NEMP2: variants seen among roughly 807,000 people sequenced by gnomAD.
NEMP2 encodes nuclear envelope integral membrane protein 2.
NEMP2 carries 53 observed loss-of-function variants against 54.2 expected under a neutral mutation model. That is an observed-to-expected ratio of 0.98 (90% CI 0.78 to 1.23). NEMP2 has a LOEUF of 1.23. Among genes scored for constraint, NEMP2 ranks in the 50% most tolerant of loss-of-function variants. NEMP2 has a pLI of 0.00. For missense variants in NEMP2, 455 were observed against 511.3 expected (o/e 0.89, Z 1.06); for synonymous variants, 197 against 190.3 (o/e 1.04, Z -0.29).
At chr2:190,426,454 CCTAT>C in the NEMP2 span, among the ~76,000 whole-genome samples, 2 of 151,988 alleles carry the variant, frequency 1.3e-5, no homozygotes, top group African/African-American at 2.4e-5. This position sits in a 1 kb window ranked among gnomAD's most constrained non-coding sequence, Gnocchi z 4.7. Context: ...TTTATAATTG[CCTAT>C]CTAAGCATTT....
At chr2:190,455,497 G>T in the NEMP2 span, among the ~76,000 whole-genome samples, 1 of 152,290 alleles carries the variant, frequency 6.6e-6, no homozygotes, top group East Asian at 1.9e-4. Context: ...ACCTGGTTGA[G>T]TCTTGCTTCT....
At chr2:190,433,250 G>T in the NEMP2 span, 1 of 151,292 alleles carries the variant, frequency 6.6e-6, no homozygotes, top group Non-Finnish European at 1.5e-5. The surrounding 1 kb of genome is among the most constrained non-coding windows in gnomAD (Gnocchi z 4.5). Context: ...CACAAGAAAT[G>T]TTTCTTTGAA....
chr2:190,491,111 T>A, the NEMP2 span, among the ~76,000 whole-genome samples: 1 of 152,168 alleles, frequency 6.6e-6, no homozygotes, highest in Non-Finnish European at 1.5e-5. The surrounding 1 kb of genome is among the most constrained non-coding windows in gnomAD (Gnocchi z 4.2). Context: ...CACAAAAAAA[T>A]TTAAAATCAT....
chr2:190,552,905 C>T, the NEMP2 span, among the ~76,000 whole-genome samples: 1 of 151,838 alleles, frequency 6.6e-6, no homozygotes, highest in African/African-American at 2.4e-5. Flanking sequence ...CAGTCTACTG[C>T]TGGTATGGTT....
Position 190,513,801 on chromosome 2 carries a change from GTCT to G in NEMP2, c.953+649_953+651del, listed in dbSNP as rs1690456523. Among the ~76,000 whole-genome samples, 1 of 152,182 alleles carries G rather than the reference GTCT, an allele frequency of 6.6e-6. No homozygotes were observed. The highest frequency in any genetic ancestry group is 6.5e-5 in the Admixed American group (1 of 15,278). ...CTATATACCCTTAGTTCCTGGGCAA[GTCT>G]CCATTTTAATACTTAAAAGAGATAG... is the stretch of plus-strand genomic sequence containing the variant. On this transcript the variant is annotated intron_variant, in intron 7 of 8. Coordinates refer to ENST00000409150, the MANE Select transcript of NEMP2 (RefSeq NM_001142645.2). The surrounding 1 kb of genome is among the most constrained non-coding windows in gnomAD (Gnocchi z 5.3).
At chr2:190,495,600 C>T in the NEMP2 span, among the ~76,000 whole-genome samples, 1 of 152,118 alleles carries the variant, frequency 6.6e-6, no homozygotes, top group Non-Finnish European at 1.5e-5. The surrounding 1 kb of genome is among the most constrained non-coding windows in gnomAD (Gnocchi z 4.7). Flanking sequence ...TCAAACTATA[C>T]TATAAGGCCA....
the NEMP2 span, chr2:190,436,766 C>A: frequency 6.2e-7 from 1 of 1,614,196 alleles, no homozygotes; most frequent in Non-Finnish European, 8.5e-7. This position sits in a 1 kb window ranked among gnomAD's most constrained non-coding sequence, Gnocchi z 5.3. Flanking sequence ...AACTCAAGCA[C>A]AGCAACCCCT....
the NEMP2 span, among the ~76,000 whole-genome samples, chr2:190,630,865 G>A: frequency 5.3e-5 from 8 of 151,578 alleles, no homozygotes; most frequent in Non-Finnish European, 1.2e-4. This position sits in a 1 kb window ranked among gnomAD's most constrained non-coding sequence, Gnocchi z 5.5. Flanking sequence ...AGTGTTGTTC[G>A]AGAAATCATA....
chr2:190,444,146 G>A, the NEMP2 span, among the ~76,000 whole-genome samples: 1 of 152,210 alleles, frequency 6.6e-6, no homozygotes, highest in African/African-American at 2.4e-5. Flanking sequence ...TGTAGGATAT[G>A]TGTAAAAAAA....
At chr2:190,632,440 A>G in the NEMP2 span, among the ~76,000 whole-genome samples, 63 of 152,410 alleles carry the variant, frequency 4.1e-4, 1 homozygote, top group South Asian at 0.011. This position sits in a 1 kb window ranked among gnomAD's most constrained non-coding sequence, Gnocchi z 4.8. Flanking sequence ...TGCTTCCTCC[A>G]AGAATGCCTA....
the NEMP2 span, among the ~76,000 whole-genome samples, chr2:190,446,252 AAAGAGTTTGAGATT>A: frequency 6.6e-6 from 1 of 152,176 alleles, no homozygotes; most frequent in Non-Finnish European, 1.5e-5. Context: ...ACAAACTCTG[AAAGAGTTTGAGATT>A]ATAAGAGTAT....
the NEMP2 span, among the ~76,000 whole-genome samples, chr2:190,432,236 T>A: frequency 7.9e-5 from 12 of 152,194 alleles, no homozygotes; most frequent in East Asian, 2.3e-3. Flanking sequence ...GCTTTAACTT[T>A]CCTGCCTAGA....
At chr2:190,641,464 T>C in the NEMP2 span, 2 of 152,430 alleles carry the variant, frequency 1.3e-5, no homozygotes, top group African/African-American at 4.8e-5. Flanking sequence ...AGTGTAGACC[T>C]AGAGGAAGAG....
In NEMP2 at chr2:190,510,373, T is replaced by C. The variant is rs1486333341; in HGVS notation, c.1118A>G (p.His373Arg). The C allele has an allele frequency of 1.3e-6, 2 of 1,551,646 alleles. No individual in the cohort carries two copies. Among genetic ancestry groups the C allele is most frequent in the Non-Finnish European group, 1.7e-6 (2 of 1,146,988 alleles). ...GAGCGGGACTTACTTGCTAGGAGTG[T>C]GGAGTCTGGAGACGACCAGCCATGA... ...FPSWLVVSRL[H>R]TPSKFADFVL... The change falls in exon 8 of 9, where the codon CAC becomes CGC. Residue 373 changes from histidine to arginine, a missense_variant. Physicochemically the swap from His to Arg is conservative, Grantham distance 29. Transcript: ENST00000409150. This position sits in a 1 kb window ranked among gnomAD's most constrained non-coding sequence, Gnocchi z 5.7.
the NEMP2 span, chr2:190,469,976 T>C: frequency 1.5e-6 from 1 of 653,354 alleles, no homozygotes; most frequent in Non-Finnish European, 2.6e-6. The surrounding 1 kb of genome is among the most constrained non-coding windows in gnomAD (Gnocchi z 5.3). Flanking sequence ...TCATGTGATT[T>C]TGAAGTGGTT....
chr2:190,471,848 GC>G, the NEMP2 span, among the ~76,000 whole-genome samples: 1 of 152,160 alleles, frequency 6.6e-6, no homozygotes, highest in Non-Finnish European at 1.5e-5. The surrounding 1 kb of genome is among the most constrained non-coding windows in gnomAD (Gnocchi z 4.7). Flanking sequence ...CCCAGTAGGG[GC>G]AGACTGATAA....
chr2:190,622,681 C>G, the NEMP2 span, among the ~76,000 whole-genome samples: 10 of 152,098 alleles, frequency 6.6e-5, no homozygotes, highest in African/African-American at 1.9e-4. Context: ...AACTTTTGTG[C>G]TTCAATAAAG....
chr2:190,437,247 G>A, the NEMP2 span: 1 of 1,614,190 alleles, frequency 6.2e-7, no homozygotes, highest in Non-Finnish European at 8.5e-7. The surrounding 1 kb of genome is among the most constrained non-coding windows in gnomAD (Gnocchi z 5.9). Context: ...GGAAAGAGGT[G>A]GAGATCCCGC....
At chr2:190,456,103 G>C in the NEMP2 span, among the ~76,000 whole-genome samples, 1 of 151,736 alleles carries the variant, frequency 6.6e-6, no homozygotes, top group Admixed American at 6.6e-5. The surrounding 1 kb of genome is among the most constrained non-coding windows in gnomAD (Gnocchi z 5.4). Context: ...ACCATGCCCA[G>C]CTAATTTTTA....
Sources: allele counts gnomAD v4.1 joint callset (sites outside exome capture counted in the v4.1 genomes callset), GRCh38; gene constraint gnomAD v4.1.1; non-coding constraint Gnocchi (gnomAD v3.1); transcripts MANE v1.5; gene names NCBI Gene and HGNC (gene_info 2026-07-23, HGNC 2026-07-21).